PTPRN2: variants seen among roughly 807,000 people sequenced by gnomAD.
PTPRN2 encodes the protein receptor-type tyrosine-protein phosphatase N2.
Under a neutral mutation model 118.8 loss-of-function variants are expected in PTPRN2, and 74 were observed. That is an observed-to-expected ratio of 0.62 (90% CI 0.52 to 0.76). The LOEUF (loss-of-function observed/expected upper bound fraction) is 0.76, where lower values mean the gene tolerates loss of function less well. Among genes scored for constraint, PTPRN2 ranks in the 30% least tolerant of loss-of-function variants. The probability of loss-of-function intolerance (pLI) is 0.00; values close to 1 mark genes in which losing one functional copy is unlikely to be tolerated. For missense variants in PTPRN2, 1,481 were observed against 1,394.4 expected, an observed-to-expected ratio of 1.06 and a Z score of -0.99; for synonymous variants, 641 against 608.0, an observed-to-expected ratio of 1.05 and a Z score of -0.80.
intron 14 of PTPRN2, among the ~76,000 whole-genome samples, chr7:157,639,825 CGTCT>C (rs1378017428): frequency 6.6e-6 from 1 of 152,206 alleles, no homozygotes; most frequent in Non-Finnish European, 1.5e-5. Context: ...ACAGGAATCT[CGTCT>C]GTCACCATAT....
At chr7:157,939,137 C>T (rs10949674) in intron 11 of PTPRN2, among the ~76,000 whole-genome samples, 57,662 of 150,834 alleles carry the variant, frequency 0.38, 12,968 homozygotes, top group East Asian at 0.63. Context: ...AAGCAAAGCA[C>T]GCAGGTCCCC....
intron 2 of PTPRN2, among the ~76,000 whole-genome samples, chr7:158,386,180 AAGTCCCTCCTCCCGTGCCCCG>A (rs1811345096): frequency 1.2e-5 from 1 of 85,454 alleles, no homozygotes. Context: ...CCTGTGCCCC[AAGTCCCTCCTCCCGTGCCCCG>A]AGTCCCTCCT....
intron 21 of PTPRN2, among the ~76,000 whole-genome samples, chr7:157,551,651 C>T (rs117693912): frequency 0.13 from 17,948 of 138,150 alleles, 1,560 homozygotes; most frequent in Non-Finnish European, 0.21. Flanking sequence ...ACACACCCCA[C>T]AGCCATCACA....
Position 158,578,282 on chromosome 7 carries a change from C to CTT in PTPRN2, c.112+9274_112+9275dup, listed in dbSNP as rs35928034. 2.8e-3 allele frequency among the ~76,000 whole-genome samples: 407 copies of CTT among 143,428 alleles called. 1 individual carries two copies. Among genetic ancestry groups the CTT allele is most frequent in the African/African-American group, 8.8e-3 (346 of 39,184 alleles). 94.1% of individuals were successfully genotyped at this position (143,428 alleles called of 152,430 possible). ...TTTGTATGAATATTATTTAAGTCAC[C>CTT]TTTTTTTTTTTTTGAGATTCCAGAG... On this transcript the variant is annotated intron_variant, in intron 1 of 22. Transcript: ENST00000389418.
chr7:157,779,877 C>T lies in PTPRN2; in HGVS notation c.1789-96940G>A, dbSNP rs570430079. On this transcript the variant is annotated intron_variant, in intron 12 of 22. Transcript: ENST00000389418. This position sits in a 1 kb window ranked among gnomAD's most constrained non-coding sequence, Gnocchi z 4.7. Reference sequence around the variant, plus strand: ...TGTGTCCTCCCAAGCAGGGCTGGGACGCCACTGATACCATCGACGTACAAC... The same window carrying T: ...TGTGTCCTCCCAAGCAGGGCTGGGATGCCACTGATACCATCGACGTACAAC... Among the ~76,000 whole-genome samples, 39 of 152,180 alleles carry T rather than the reference C, an allele frequency of 2.6e-4. No homozygotes were observed. Among genetic ancestry groups the T allele is most frequent in the Admixed American group, 2.0e-4 (3 of 15,280 alleles).
rs151278806 is a variant in PTPRN2 at position 158,157,107 on chromosome 7, C to G, written c.910+9824G>C. Among the ~76,000 whole-genome samples, 273 of 152,098 alleles carry G rather than the reference C, an allele frequency of 1.8e-3. 1 individual carries two copies. Among genetic ancestry groups the G allele is most frequent in the Non-Finnish European group, 2.7e-3 (182 of 67,998 alleles). ...GGAAGGCCTCCCCATTGTGCTTACA[C>G]AGCGGACAGCACGCCTGTTCCATGT... On this transcript the variant is annotated intron_variant, in intron 6 of 22. Transcript: ENST00000389418.
intron 11 of PTPRN2, among the ~76,000 whole-genome samples, chr7:158,026,058 A>T (rs1807240110): frequency 6.6e-6 from 1 of 152,278 alleles, no homozygotes; most frequent in Admixed American, 6.5e-5. Flanking sequence ...CTGTATGCCA[A>T]GCACGGCCCA....
intron 9 of PTPRN2, among the ~76,000 whole-genome samples, chr7:158,132,670 C>T (rs111204884): frequency 2.0e-5 from 3 of 150,796 alleles, no homozygotes; most frequent in Non-Finnish European, 4.4e-5. Context: ...CACTCATATA[C>T]ACACAGATAC....
chr7:157,729,799 C>T lies in PTPRN2; in HGVS notation c.1789-46862G>A. On this transcript the variant is annotated intron_variant, in intron 12 of 22. Coordinates refer to ENST00000389418, the MANE Select transcript of PTPRN2 (RefSeq NM_002847.5). This position sits in a 1 kb window ranked among gnomAD's most constrained non-coding sequence, Gnocchi z 4.3. ...GACTGCACCACACCCATAAGGGCCA[C>T]CTGCTGGCCACGTGGAGGACGGGGA... Among the ~76,000 whole-genome samples, 1 of 152,154 alleles carries T rather than the reference C, an allele frequency of 6.6e-6. No homozygotes were observed. Among genetic ancestry groups the T allele is most frequent in the East Asian group, 1.9e-4 (1 of 5,184 alleles).
chr7:157,755,741 GGGGAGAGGGAA>G (rs1472486369), intron 12 of PTPRN2, among the ~76,000 whole-genome samples: 1 of 152,144 alleles, frequency 6.6e-6, no homozygotes, highest in Non-Finnish European at 1.5e-5. Flanking sequence ...GGGGTAGGAA[GGGGAGAGGGAA>G]GGAGTGAAAA....
chr7:158,199,391 C>G (rs2335832), intron 4 of PTPRN2, among the ~76,000 whole-genome samples: 1 of 152,090 alleles, frequency 6.6e-6, no homozygotes, highest in Non-Finnish European at 1.5e-5. Flanking sequence ...ATGGGGCTTA[C>G]TCTGCTTAAG....
chr7:157,773,241 G>A (rs1014969186), intron 12 of PTPRN2, among the ~76,000 whole-genome samples: 10 of 152,206 alleles, frequency 6.6e-5, no homozygotes, highest in African/African-American at 2.4e-4. Flanking sequence ...CCTTGGTCAT[G>A]CTCCGGCTGG....
chr7:158,144,028 G>A (rs952859421), intron 6 of PTPRN2, among the ~76,000 whole-genome samples: 4 of 152,190 alleles, frequency 2.6e-5, no homozygotes, highest in Non-Finnish European at 4.4e-5. Flanking sequence ...GACGTGGTCC[G>A]TGCGGGGACA....
At chr7:158,519,837 T>C (rs1488634852) in intron 1 of PTPRN2, among the ~76,000 whole-genome samples, 2 of 152,006 alleles carry the variant, frequency 1.3e-5, no homozygotes, top group Non-Finnish European at 2.9e-5. Flanking sequence ...GCATGGAAAT[T>C]CTCCATTTTC....
intron 12 of PTPRN2, among the ~76,000 whole-genome samples, chr7:157,833,517 T>A (rs1479249513): frequency 6.7e-6 from 1 of 148,944 alleles, no homozygotes; most frequent in Non-Finnish European, 1.5e-5. Context: ...CCGGCGCCCA[T>A]CCATCCTGTA....
chr7:158,109,770 G>T (rs539117502), intron 10 of PTPRN2, among the ~76,000 whole-genome samples: 2 of 151,888 alleles, frequency 1.3e-5, no homozygotes, highest in Non-Finnish European at 2.9e-5. Flanking sequence ...TGTGTGAAGC[G>T]TCAGTGAGTG....
chr7:157,857,799 G>A (rs561147390), intron 12 of PTPRN2: 1 of 152,498 alleles, frequency 6.6e-6, no homozygotes, highest in Non-Finnish European at 1.5e-5. Flanking sequence ...CGCACTAGAC[G>A]TTTGAGAAAC....
At position 157,627,660 on chromosome 7, in the gene PTPRN2, T is replaced by G. The variant is rs1168173748; in HGVS notation, c.2197-6151A>C. On this transcript the variant is annotated intron_variant, in intron 14 of 22. Transcript: ENST00000389418. This position sits in a 1 kb window ranked among gnomAD's most constrained non-coding sequence, Gnocchi z 4.2. ...ACTTAAGCTGTTTCTAGATAAGCCC[T>G]GAGTGAAAAGGTGTCTCCAACCTTC... 6.6e-6 allele frequency among the ~76,000 whole-genome samples: 1 copy of G among 152,240 alleles called. No individual in the cohort carries two copies. Among genetic ancestry groups the G allele is most frequent in the Non-Finnish European group, 1.5e-5 (1 of 68,044 alleles).
Position 157,560,843 on chromosome 7 carries a change from G to A in PTPRN2, c.2902+8059C>T, listed in dbSNP as rs961388616. ...TCCCACTGGCCCTTCGTGTTTTCAT[G>A]TTTCAGCCAAACATAAAAGCGAGAC... On this transcript the variant is annotated intron_variant, in intron 21 of 22. Transcript: ENST00000389418. The surrounding 1 kb of genome is among the most constrained non-coding windows in gnomAD (Gnocchi z 6.7). Among the ~76,000 whole-genome samples the A allele has an allele frequency of 2.6e-5, 4 of 152,034 alleles. No homozygotes were observed. The highest frequency in any genetic ancestry group is 9.7e-5 in the African/African-American group (4 of 41,372).
Sources: allele counts gnomAD v4.1 joint callset (sites outside exome capture counted in the v4.1 genomes callset), GRCh38; gene constraint gnomAD v4.1.1; non-coding constraint Gnocchi (gnomAD v3.1); transcripts MANE v1.5; gene names NCBI Gene and HGNC (gene_info 2026-07-23, HGNC 2026-07-21).